Variants in ZMYM2 observed in about 807,000 individuals in gnomAD.
The protein encoded by ZMYM2 is zinc finger MYM-type containing 2.
In ZMYM2, 56 loss-of-function variants were observed where a neutral mutation model predicts 162.8. The observed-to-expected ratio is 0.34, with a 90% CI of 0.28 to 0.43. The LOEUF (loss-of-function observed/expected upper bound fraction) is 0.43, where lower values mean the gene tolerates loss of function less well. Among genes scored for constraint, ZMYM2 ranks in the 20% least tolerant of loss-of-function variants. The pLI is 1.00. For missense variants in ZMYM2, 1,275 were observed against 1,621.8 expected, an observed-to-expected ratio of 0.79 and a Z score of 3.67; for synonymous variants, 510 against 541.6, an observed-to-expected ratio of 0.94 and a Z score of 0.81.
the ZMYM2 span, among the ~76,000 whole-genome samples, chr13:19,900,807 G>T: frequency 6.6e-6 from 1 of 152,084 alleles, no homozygotes; most frequent in Non-Finnish European, 1.5e-5. Flanking sequence ...GCCGAGGCGG[G>T]CAGATCACGA....
intron 14 of ZMYM2, among the ~76,000 whole-genome samples, chr13:20,053,718 T>C (rs553656028): frequency 6.6e-6 from 1 of 152,322 alleles, no homozygotes; most frequent in East Asian, 1.9e-4. Context: ...GAATCACTGA[T>C]ATAGATGAAA....
At chr13:20,058,342 G>A (rs938085501) in intron 14 of ZMYM2, among the ~76,000 whole-genome samples, 3 of 152,066 alleles carry the variant, frequency 2.0e-5, no homozygotes, top group African/African-American at 7.2e-5. Flanking sequence ...TCCTTTGAAG[G>A]TGATATAAAT....
chr13:19,955,233 A>T (rs556159126), upstream of ZMYM2, among the ~76,000 whole-genome samples: 30 of 152,084 alleles, frequency 2.0e-4, no homozygotes, highest in East Asian at 4.1e-3. Flanking sequence ...GAATATTATA[A>T]TTTTTTTCTA....
chr13:20,080,931 T>C lies in ZMYM2; in HGVS notation c.3454-1085T>C, dbSNP rs1164233455. Among the ~76,000 whole-genome samples, 5 of 152,240 alleles carry C rather than the reference T, an allele frequency of 3.3e-5. No homozygotes were observed. In the East Asian group the frequency reaches 9.6e-4, roughly 29 times the overall value. On this transcript the variant is annotated intron_variant, in intron 21 of 24. Transcript: ENST00000610343. ...CTGTAACATGAAAGCTGCTGTACAG[T>C]ATGCAAATGAACCAGTATGTCTGTA... is the stretch of plus-strand genomic sequence containing the variant.
chr13:19,920,888 G>A, the ZMYM2 span, among the ~76,000 whole-genome samples: 13 of 151,562 alleles, frequency 8.6e-5, no homozygotes, highest in Admixed American at 1.3e-4. Flanking sequence ...TCAGCCTCCC[G>A]AGTAGCTGGG....
chr13:19,943,315 A>G, the ZMYM2 span, among the ~76,000 whole-genome samples: 260 of 152,298 alleles, frequency 1.7e-3, 1 homozygote, highest in African/African-American at 6.0e-3. Flanking sequence ...TTATCTCTAT[A>G]AAGACTCCAT....
chr13:19,897,823 T>C, the ZMYM2 span, among the ~76,000 whole-genome samples: 1 of 152,262 alleles, frequency 6.6e-6, no homozygotes, highest in East Asian at 1.9e-4. Flanking sequence ...TATAAATATA[T>C]ATGCATCGAA....
the ZMYM2 span, among the ~76,000 whole-genome samples, chr13:19,951,544 AAAAAAAAAT>A: frequency 6.7e-6 from 1 of 150,242 alleles, no homozygotes; most frequent in African/African-American, 2.4e-5. Flanking sequence ...AAAAAAAAAA[AAAAAAAAAT>A]TTACCGGGGG....
At chr13:19,930,878 G>A in the ZMYM2 span, among the ~76,000 whole-genome samples, 1 of 150,912 alleles carries the variant, frequency 6.6e-6, no homozygotes, top group South Asian at 2.1e-4. Flanking sequence ...GGTGGCTCAT[G>A]CCTGTAATCC....
the ZMYM2 span, among the ~76,000 whole-genome samples, chr13:19,908,303 C>CAA: frequency 6.7e-6 from 1 of 148,968 alleles, no homozygotes; most frequent in African/African-American, 2.6e-5. Flanking sequence ...AACAAACAAA[C>CAA]AAAAACCATT....
intron 2 of ZMYM2, among the ~76,000 whole-genome samples, chr13:19,990,094 T>G (rs1423469052): frequency 6.6e-6 from 1 of 152,232 alleles, no homozygotes; most frequent in African/African-American, 2.4e-5. Context: ...ATCACCTCTT[T>G]GCTGGAAACA....
chr13:19,953,107 C>T, the ZMYM2 span, among the ~76,000 whole-genome samples: 1 of 152,098 alleles, frequency 6.6e-6, no homozygotes, highest in Non-Finnish European at 1.5e-5. Flanking sequence ...GATGCCAGCA[C>T]CTTGATATTG....
chr13:19,928,032 G>T, the ZMYM2 span, among the ~76,000 whole-genome samples: 5 of 151,950 alleles, frequency 3.3e-5, no homozygotes, highest in East Asian at 7.7e-4. Context: ...TAGAGACAAG[G>T]TCTTGCTTTG....
intron 17 of ZMYM2, 145 bp downstream of exon 17, chr13:20,061,369 T>TCC: frequency 1.4e-6 from 1 of 692,192 alleles, no homozygotes; most frequent in South Asian, 3.0e-5. Flanking sequence ...TTTTTTATAT[T>TCC]AAGAGATCTA....
intron 2 of ZMYM2, among the ~76,000 whole-genome samples, chr13:19,972,483 G>C (rs1406493668): frequency 1.3e-5 from 2 of 151,472 alleles, no homozygotes; most frequent in Non-Finnish European, 2.9e-5. Context: ...TTTTCACTTA[G>C]TGGTATGTCT....
chr13:19,917,805 C>A, the ZMYM2 span, among the ~76,000 whole-genome samples: 1 of 152,064 alleles, frequency 6.6e-6, no homozygotes, highest in East Asian at 2.0e-4. Context: ...CTCATGCCTG[C>A]CCTAGCACTT....
At chr13:20,034,570 T>G (rs1953507969) in intron 11 of ZMYM2, among the ~76,000 whole-genome samples, 166 bp downstream of exon 11, 1 of 152,232 alleles carries the variant, frequency 6.6e-6, no homozygotes, top group Non-Finnish European at 1.5e-5. Context: ...TTTGTAGATC[T>G]GGGCTTCAAG....
In ZMYM2 at chr13:19,993,321, A is replaced by ATTT; in HGVS notation, c.250_252dup (p.Phe84dup). ...TGGTAGCTGATCAAAGAACCATAAC[A>ATTT]TTTACATCATCAAAAAATGAAGAAC... On this transcript the variant is annotated inframe_insertion, in exon 3 of 25. Transcript: ENST00000610343. 1 of 1,613,932 alleles carries ATTT rather than the reference A, an allele frequency of 6.2e-7. No homozygotes were observed. Among genetic ancestry groups the ATTT allele is most frequent in the Non-Finnish European group, 8.5e-7 (1 of 1,179,874 alleles).
chr13:20,000,059 A>G (rs1950283047), intron 3 of ZMYM2, among the ~76,000 whole-genome samples: 1 of 152,152 alleles, frequency 6.6e-6, no homozygotes, highest in African/African-American at 2.4e-5. Flanking sequence ...CAGACCCCCA[A>G]AGTGCTGGGA....
Sources: gnomAD v4.1 joint callset for allele counts (sites outside exome capture counted in the v4.1 genomes callset) on GRCh38, gnomAD v4.1.1 for gene constraint, MANE v1.5 for transcripts, NCBI Gene and HGNC (gene_info 2026-07-23, HGNC 2026-07-21) for gene names.